The following PLCB1 variants were observed in gnomAD, a reference collection of about 807,000 sequenced individuals.
PLCB1 encodes the protein 1-phosphatidylinositol 4,5-bisphosphate phosphodiesterase beta-1.
In PLCB1, 46 loss-of-function variants were observed where a neutral mutation model predicts 161.8. The observed-to-expected ratio is 0.28, with a 90% CI of 0.22 to 0.36. The LOEUF (loss-of-function observed/expected upper bound fraction) is 0.36. PLCB1 is among the 10% of genes least tolerant of loss of function. PLCB1 has a pLI of 1.00. For missense variants in PLCB1, 1,016 were observed against 1,472.5 expected (o/e 0.69, Z 5.07); for synonymous variants, 517 against 503.7 (o/e 1.03, Z -0.35).
chr20:8,774,117 GTC>G (rs1982825242), intron 26 of PLCB1, among the ~76,000 whole-genome samples: 1 of 152,138 alleles, frequency 6.6e-6, no homozygotes. Context: ...CTCTAACAAA[GTC>G]TGCTCAATGC....
intron 3 of PLCB1, among the ~76,000 whole-genome samples, chr20:8,485,739 C>T (rs530681905): frequency 6.6e-6 from 1 of 152,320 alleles, no homozygotes; most frequent in Admixed American, 6.5e-5. Flanking sequence ...CATGCACTCA[C>T]ACAGGGAAAT....
intron 3 of PLCB1, among the ~76,000 whole-genome samples, chr20:8,428,287 C>A (rs979582213): frequency 6.6e-6 from 1 of 151,876 alleles, no homozygotes; most frequent in Non-Finnish European, 1.5e-5. Context: ...GTGGTGCAAT[C>A]TCGGCTCACT....
At chr20:8,164,850 A>C (rs1341865789) in intron 2 of PLCB1, among the ~76,000 whole-genome samples, 1 of 152,218 alleles carries the variant, frequency 6.6e-6, no homozygotes, top group African/African-American at 2.4e-5. Context: ...AGTCCATTTC[A>C]GTTCCATGAA....
chr20:8,469,319 C>T (rs977676874), intron 3 of PLCB1, among the ~76,000 whole-genome samples: 5 of 152,086 alleles, frequency 3.3e-5, no homozygotes, highest in African/African-American at 9.7e-5. Context: ...TGCTTAGATA[C>T]GCTAATTTTA....
intron 2 of PLCB1, among the ~76,000 whole-genome samples, chr20:8,338,680 C>G (rs1425406589): frequency 6.6e-6 from 1 of 152,182 alleles, no homozygotes; most frequent in South Asian, 2.1e-4. Context: ...GCACAAATCT[C>G]AAATATAACA....
intron 12 of PLCB1, among the ~76,000 whole-genome samples, chr20:8,714,347 C>T (rs2123462099): frequency 6.6e-6 from 1 of 152,224 alleles, no homozygotes; most frequent in East Asian, 1.9e-4. Flanking sequence ...TTCTTTAGTG[C>T]ACTCTGGAAC....
At position 8,733,185 on chromosome 20, in the gene PLCB1, C is replaced by A; in HGVS notation, c.1889-53C>A. 5 of 1,577,502 alleles carry A rather than the reference C, an allele frequency of 3.2e-6. No homozygotes were observed. The South Asian group carries it at 3.4e-5, about 11-fold the overall frequency. On this transcript the variant is annotated intron_variant, in intron 18 of 31. Transcript: ENST00000338037. ...CAACTTTACTTTACAATCTTACTTT[C>A]TTACCCCAAGTATAGATAAACTCAC...
At chr20:8,188,373 T>C (rs887679666) in intron 2 of PLCB1, among the ~76,000 whole-genome samples, 1 of 152,116 alleles carries the variant, frequency 6.6e-6, no homozygotes, top group Non-Finnish European at 1.5e-5. Context: ...GATGAAGTAC[T>C]GGGAACAATA....
chr20:8,455,571 G>A (rs1461961943), intron 3 of PLCB1, among the ~76,000 whole-genome samples: 1 of 150,608 alleles, frequency 6.6e-6, no homozygotes, highest in Non-Finnish European at 1.5e-5. Context: ...CTCCCGAGTA[G>A]CTGGGACTAC....
intron 2 of PLCB1, among the ~76,000 whole-genome samples, chr20:8,267,286 A>G (rs1173959930): frequency 6.6e-6 from 1 of 152,062 alleles, no homozygotes; most frequent in Non-Finnish European, 1.5e-5. Flanking sequence ...TTAGCCCCCA[A>G]CTGAGTCCTA....
chr20:8,385,009 G>A (rs1039147740), intron 3 of PLCB1, among the ~76,000 whole-genome samples: 7 of 152,200 alleles, frequency 4.6e-5, no homozygotes, highest in Admixed American at 3.9e-4. Flanking sequence ...CCAGCTGGGT[G>A]GCACAGGGAA....
At chr20:8,815,439 T>A (rs1052450427) in intron 31 of PLCB1, among the ~76,000 whole-genome samples, 1 of 152,236 alleles carries the variant, frequency 6.6e-6, no homozygotes, top group African/African-American at 2.4e-5. Flanking sequence ...GTTAAATTTA[T>A]CATCTTGCAA....
At chr20:8,463,372 T>A (rs868549514) in intron 3 of PLCB1, among the ~76,000 whole-genome samples, 1 of 152,112 alleles carries the variant, frequency 6.6e-6, no homozygotes, top group Non-Finnish European at 1.5e-5. Context: ...CTGATCTGAA[T>A]TTTGCATTTA....
chr20:8,333,937 CG>C (rs1985463277), intron 2 of PLCB1, among the ~76,000 whole-genome samples: 1 of 152,200 alleles, frequency 6.6e-6, no homozygotes, highest in Admixed American at 6.5e-5. Flanking sequence ...GGGCCTGGCG[CG>C]GTGGCTCACG....
intron 3 of PLCB1, among the ~76,000 whole-genome samples, chr20:8,501,318 A>G (rs1048102167): frequency 6.6e-6 from 1 of 152,232 alleles, no homozygotes; most frequent in Admixed American, 6.5e-5. Context: ...GAGAGACTCC[A>G]TTGGATGAGC....
chr20:8,162,061 T>A (rs938899349), intron 2 of PLCB1, among the ~76,000 whole-genome samples: 5 of 152,224 alleles, frequency 3.3e-5, no homozygotes, highest in East Asian at 1.9e-4. Context: ...AGGATTTTTT[T>A]AGAATTAGTC....
chr20:8,206,318 A>G (rs1978526981), intron 2 of PLCB1, among the ~76,000 whole-genome samples: 1 of 152,112 alleles, frequency 6.6e-6, no homozygotes, highest in African/African-American at 2.4e-5. Context: ...TCATTTATGT[A>G]TTGTGAACAT....
chr20:8,505,185 AG>A (rs1200133592), intron 3 of PLCB1, among the ~76,000 whole-genome samples: 1 of 152,164 alleles, frequency 6.6e-6, no homozygotes, highest in Non-Finnish European at 1.5e-5. Context: ...TACTGTGACA[AG>A]GGGACAAGAA....
At chr20:8,862,381 C>G (rs947210228) in intron 31 of PLCB1, among the ~76,000 whole-genome samples, 1 of 152,114 alleles carries the variant, frequency 6.6e-6, no homozygotes, top group African/African-American at 2.4e-5. Context: ...ACATTTTATT[C>G]GCAGCCTGTC....
Sources: allele counts gnomAD v4.1 joint callset (sites outside exome capture counted in the v4.1 genomes callset), GRCh38; gene constraint gnomAD v4.1.1; transcripts MANE v1.5; gene names NCBI Gene and HGNC (gene_info 2026-07-23, HGNC 2026-07-21).